ZNF385D: variants seen among roughly 807,000 people sequenced by gnomAD.
The protein encoded by ZNF385D is zinc finger protein 659.
A neutral mutation model predicts 35.8 loss-of-function variants in ZNF385D; 15 were observed. The ratio of observed to expected loss-of-function variants is 0.42; its 90% CI spans 0.28 to 0.64. The LOEUF (loss-of-function observed/expected upper bound fraction) is 0.64. Among genes scored for constraint, ZNF385D ranks in the 30% least tolerant of loss-of-function variants. The probability of loss-of-function intolerance (pLI) is 0.23; values close to 1 mark genes in which losing one functional copy is unlikely to be tolerated. For missense variants in ZNF385D, 474 were observed against 494.6 expected (o/e 0.96, Z 0.39); for synonymous variants, 212 against 186.8 (o/e 1.13, Z -1.10).
At chr3:22,033,149 C>T (rs531253241) in intron 3 of ZNF385D, among the ~76,000 whole-genome samples, 1 of 151,996 alleles carries the variant, frequency 6.6e-6, no homozygotes, top group South Asian at 2.1e-4. Flanking sequence ...CTCTTGTAAC[C>T]CTAGCACTTT....
intron 2 of ZNF385D, among the ~76,000 whole-genome samples, chr3:22,301,008 C>T (rs773730181): frequency 6.6e-6 from 1 of 151,950 alleles, no homozygotes; most frequent in Non-Finnish European, 1.5e-5. Flanking sequence ...CAGATGTACT[C>T]ACAATAGCCA....
chr3:22,208,913 A>G (rs1032429722), intron 2 of ZNF385D, among the ~76,000 whole-genome samples: 1 of 151,876 alleles, frequency 6.6e-6, no homozygotes, highest in Admixed American at 6.6e-5. Context: ...GTAATGAGGT[A>G]TCAGGGAATC....
intron 2 of ZNF385D, chr3:21,579,417 T>C (rs972379841): frequency 1.3e-5 from 2 of 151,094 alleles, no homozygotes; most frequent in Non-Finnish European, 3.0e-5. Context: ...AAATTATAGA[T>C]GGCTAAATTT....
At position 21,413,194 on chromosome 3, in the gene ZNF385D, A is replaced by G. The variant is rs1167659581; in HGVS notation, c.*8020T>C. On this transcript the variant is annotated 3_prime_UTR_variant, in exon 8 of 8. Transcript: ENST00000281523. ...CTCACGTTTCCAAGCCCACCTGGGG[A>G]TATGTAGAACTCTGATGAAAGGTTT... 1.3e-5 allele frequency: 2 copies of G among 152,046 alleles called. No homozygotes were observed. The highest frequency in any genetic ancestry group is 2.9e-5 in the Non-Finnish European group (2 of 67,964). The allele number at this position is 152,046 out of a possible 1,614,324, so 9.4% of individuals were successfully genotyped here.
intron 3 of ZNF385D, among the ~76,000 whole-genome samples, chr3:22,064,642 C>T (rs1247460364): frequency 1.3e-5 from 2 of 152,138 alleles, no homozygotes; most frequent in African/African-American, 4.8e-5. Flanking sequence ...CACAACACCA[C>T]AGATGAACCT....
chr3:21,960,391 A>G (rs1702522078), intron 3 of ZNF385D, among the ~76,000 whole-genome samples: 1 of 152,140 alleles, frequency 6.6e-6, no homozygotes, highest in Non-Finnish European at 1.5e-5. Context: ...ATGAAATATC[A>G]CCTCACCCCA....
chr3:22,191,237 T>C (rs1244306504), intron 2 of ZNF385D, among the ~76,000 whole-genome samples: 2 of 152,092 alleles, frequency 1.3e-5, no homozygotes, highest in African/African-American at 2.4e-5. Context: ...ACGCCTATAA[T>C]CCCAGCACTT....
At chr3:22,314,746 T>C (rs939401080) in intron 2 of ZNF385D, among the ~76,000 whole-genome samples, 5 of 152,134 alleles carry the variant, frequency 3.3e-5, no homozygotes, top group Admixed American at 2.0e-4. Flanking sequence ...TAAGTTTGAG[T>C]AGACCTAGAG....
At chr3:22,147,915 G>C (rs1327447376) in intron 3 of ZNF385D, among the ~76,000 whole-genome samples, 3 of 152,138 alleles carry the variant, frequency 2.0e-5, no homozygotes, top group African/African-American at 7.2e-5. Context: ...AGCAATCATG[G>C]CTCCAATACA....
intron 3 of ZNF385D, among the ~76,000 whole-genome samples, chr3:22,044,720 A>G (rs1324529321): frequency 6.6e-6 from 1 of 152,030 alleles, no homozygotes; most frequent in African/African-American, 2.4e-5. Context: ...GAAGGTGGAG[A>G]GAATGGATAC....
intron 3 of ZNF385D, among the ~76,000 whole-genome samples, chr3:22,010,003 G>A (rs1696469431): frequency 1.3e-5 from 2 of 152,004 alleles, no homozygotes; most frequent in Admixed American, 1.3e-4. Context: ...AAAGGAAATT[G>A]AGGAAAACAG....
At position 22,071,360 on chromosome 3, in the gene ZNF385D, TC is replaced by T. The variant is rs1394251969; in HGVS notation, c.325+97456del. On this transcript the variant is annotated intron_variant, in intron 3 of 5. Coordinates refer to the ZNF385D transcript ENST00000494108. ...TAAACAGTGAAGAGCCTAATATTTT[TC>T]CCAAAGCAAGAAAGAGATTTTTCCA... 2.6e-5 allele frequency among the ~76,000 whole-genome samples: 4 copies of T among 152,194 alleles called. No homozygotes were observed. The East Asian group carries it at 7.7e-4, about 29-fold the overall frequency.
intron 2 of ZNF385D, among the ~76,000 whole-genome samples, chr3:22,350,448 A>C (rs953656818): frequency 1.7e-4 from 26 of 152,116 alleles, no homozygotes; most frequent in Non-Finnish European, 2.9e-4. Flanking sequence ...ATATTGCCCT[A>C]TTAATGATCA....
intron 3 of ZNF385D, among the ~76,000 whole-genome samples, chr3:22,016,369 C>G (rs1177427439): frequency 6.6e-6 from 1 of 152,084 alleles, no homozygotes; most frequent in Non-Finnish European, 1.5e-5. Flanking sequence ...GAAACCTTGA[C>G]CCAGATGCTA....
intron 3 of ZNF385D, among the ~76,000 whole-genome samples, chr3:21,973,802 A>G (rs916165206): frequency 2.6e-5 from 4 of 152,010 alleles, no homozygotes; most frequent in African/African-American, 9.7e-5. Context: ...TGAAAAACAT[A>G]TCAAAAAACT....
In ZNF385D at chr3:21,414,558, G is replaced by A. The variant is rs1433580610; in HGVS notation, c.*6656C>T. 1 of 152,056 alleles carries A rather than the reference G, an allele frequency of 6.6e-6. No individual in the cohort carries two copies. Among genetic ancestry groups the A allele is most frequent in the African/African-American group, 2.4e-5 (1 of 41,404 alleles). 9.4% of individuals were successfully genotyped at this position (152,056 alleles called of 1,614,324 possible). A position where few individuals can be genotyped will look rare whatever the true frequency, so the allele number is the denominator to read the frequency against. On this transcript the variant is annotated 3_prime_UTR_variant, in exon 8 of 8. Coordinates refer to ENST00000281523, the MANE Select transcript of ZNF385D (RefSeq NM_024697.3). ...TTAGATTTTGGAGCTATTTTGAGTAGCAAATGACTTGCTTTTACTAAATTC... is the reference window on the plus strand; with the variant it reads ...TTAGATTTTGGAGCTATTTTGAGTAACAAATGACTTGCTTTTACTAAATTC...
intron 3 of ZNF385D, among the ~76,000 whole-genome samples, chr3:22,064,873 T>C (rs1699853361): frequency 6.6e-6 from 1 of 152,194 alleles, no homozygotes; most frequent in South Asian, 2.1e-4. Context: ...TTGCACAGCA[T>C]GGTGATTACA....
rs1022807207 is a variant in ZNF385D, at chr3:21,942,374, G to A, written c.325+226443C>T. Among the ~76,000 whole-genome samples, 3 of 152,158 alleles carry A rather than the reference G, an allele frequency of 2.0e-5. No individual in the cohort carries two copies. The South Asian group carries it at 6.2e-4, about 32-fold the overall frequency. On this transcript the variant is annotated intron_variant, in intron 3 of 5. Transcript: ENST00000494108. ...TAATCCACATTCTAATTTCTAGTGA[G>A]TCATCCTTCCTTACTATGACACATA...
intron 1 of ZNF385D, among the ~76,000 whole-genome samples, chr3:21,688,088 C>G (rs1230920877): frequency 6.6e-6 from 1 of 151,990 alleles, no homozygotes; most frequent in Admixed American, 6.6e-5. Flanking sequence ...AGTACCATAA[C>G]TCACCTCTAT....
Sources: gnomAD v4.1 joint callset for allele counts (sites outside exome capture counted in the v4.1 genomes callset) on GRCh38, gnomAD v4.1.1 for gene constraint, MANE v1.5 for transcripts, NCBI Gene and HGNC (gene_info 2026-07-23, HGNC 2026-07-21) for gene names.